The following UAP1 variants were observed in gnomAD, a reference collection of about 807,000 sequenced individuals.
UAP1 encodes UDP-N-acetylhexosamine pyrophosphorylase.
A neutral mutation model predicts 58.5 loss-of-function variants in UAP1; 25 were observed. The observed-to-expected ratio is 0.43, with a 90% CI of 0.31 to 0.60. The LOEUF (loss-of-function observed/expected upper bound fraction) is 0.60. Among genes scored for constraint, UAP1 ranks in the 20% least tolerant of loss-of-function variants. The pLI is 0.11. For synonymous variants in UAP1, 208 were observed against 213.0 expected (o/e 0.98, Z 0.21); for missense variants, 575 against 630.0 (o/e 0.91, Z 0.93).
chr1:162,588,467 C>T (rs1313850919), intron 6 of UAP1, among the ~76,000 whole-genome samples: 2 of 151,934 alleles, frequency 1.3e-5, no homozygotes, highest in South Asian at 2.1e-4. Flanking sequence ...TTAATGCACA[C>T]GTACACAGTT....
chr1:162,597,898 C>T, intron 10 of UAP1, 40 bp downstream of exon 10: 1 of 1,524,576 alleles, frequency 6.6e-7, no homozygotes, highest in Non-Finnish European at 9.0e-7. Context: ...TTTTACAAAG[C>T]TTTGTATATT....
chr1:162,597,195 C>T (rs1422246138), intron 9 of UAP1: 1 of 152,132 alleles, frequency 6.6e-6, no homozygotes, highest in East Asian at 1.9e-4. Flanking sequence ...CTTTGTTGTC[C>T]AGTTTTGTAG....
exon 5 of UAP1, chr1:162,581,428 G>C: frequency 6.2e-6 from 10 of 1,614,006 alleles, no homozygotes; most frequent in Non-Finnish European, 7.6e-6. Context: ...ATTGGATTTT[G>C]CATTCAGAAA....
chr1:162,579,527 G>T (rs1447087797), exon 4 of UAP1: 1 of 1,610,708 alleles, frequency 6.2e-7, no homozygotes, highest in South Asian at 1.1e-5. Context: ...TCTTTTTTCA[G>T]CAAGGAATGC....
intron 2 of UAP1, among the ~76,000 whole-genome samples, chr1:162,571,396 T>G (rs1653858476): frequency 6.6e-6 from 1 of 152,174 alleles, no homozygotes; most frequent in South Asian, 2.1e-4. Context: ...TCCCAAGTGC[T>G]GGAATTACAG....
chr1:162,591,476 T>G (rs189324606), intron 8 of UAP1, among the ~76,000 whole-genome samples: 1 of 152,262 alleles, frequency 6.6e-6, no homozygotes, highest in African/African-American at 2.4e-5. Context: ...CAGCTAAATC[T>G]GTTTTTTTGT....
chr1:162,589,204 T>A, intron 7 of UAP1, among the ~76,000 whole-genome samples: 1 of 43,246 alleles, frequency 2.3e-5, no homozygotes, highest in Non-Finnish European at 4.9e-5. Flanking sequence ...ATATATTATA[T>A]TTAAATATAT....
At chr1:162,567,846 GAGTGC>G (rs1653609665) in intron 2 of UAP1, among the ~76,000 whole-genome samples, 1 of 152,220 alleles carries the variant, frequency 6.6e-6, no homozygotes, top group Non-Finnish European at 1.5e-5. Flanking sequence ...GCCCAGGCTG[GAGTGC>G]AGTGGTGTGA....
rs139936971 is a variant in UAP1, at chr1:162,566,479, A to G, written c.280+131A>G. The G allele has an allele frequency of 2.9e-5, 27 of 945,012 alleles. No individual in the cohort carries two copies. The South Asian group carries it at 3.6e-4, about 13-fold the overall frequency. The allele number at this position is 945,012 out of a possible 1,614,324, so 58.5% of individuals were successfully genotyped here. A position where few individuals can be genotyped will look rare whatever the true frequency, so the allele number is the denominator to read the frequency against. Reference sequence around the variant, plus strand: ...CCAGGTGACCTAGCAGAAAGTGACAAAATTGTCTTTTTATTTTTGATGCTC... The same window carrying G: ...CCAGGTGACCTAGCAGAAAGTGACAGAATTGTCTTTTTATTTTTGATGCTC... On this transcript the variant is annotated intron_variant, in intron 2 of 10. Transcript: ENST00000271469.
At chr1:162,590,270 A>C (rs2101824966) in intron 7 of UAP1, 53 bp from the exon 8 acceptor site, 2 of 1,456,142 alleles carry the variant, frequency 1.4e-6, no homozygotes, top group East Asian at 4.7e-5. Flanking sequence ...AAAGGGTTAG[A>C]AGCTGTGTAT....
At chr1:162,584,458 A>G (rs1654789719) in intron 5 of UAP1, among the ~76,000 whole-genome samples, 1 of 152,178 alleles carries the variant, frequency 6.6e-6, no homozygotes, top group Non-Finnish European at 1.5e-5. Context: ...TGGTAGTAGA[A>G]TTATTTGCAG....
At chr1:162,587,738 A>T in intron 6 of UAP1, 70 bp downstream of exon 6, 1 of 1,457,942 alleles carries the variant, frequency 6.9e-7, no homozygotes, top group Non-Finnish European at 9.4e-7. Context: ...CTTGAGAGGG[A>T]TGCAGACACC....
rs1045340263 is a variant in UAP1 at position 162,583,086 on chromosome 1, C to T, written c.834+1627C>T. Among the ~76,000 whole-genome samples, 4 of 151,402 alleles carry T rather than the reference C, an allele frequency of 2.6e-5. No individual in the cohort carries two copies. In the East Asian group the frequency reaches 7.7e-4, roughly 29 times the overall value. ...TTTGCCTCCTGGGTTCAGTGATTCT[C>T]CTGCCTCACCCTCCCCAGTAGCTGG... On this transcript the variant is annotated intron_variant, in intron 5 of 10. Transcript: ENST00000271469.
intron 2 of UAP1, among the ~76,000 whole-genome samples, chr1:162,575,923 T>C (rs1204538365): frequency 3.3e-5 from 5 of 152,150 alleles, no homozygotes; most frequent in African/African-American, 1.2e-4. Flanking sequence ...CCTCAGGTGA[T>C]CCACCTGCCG....
At position 162,588,847 on chromosome 1, in the gene UAP1, A is replaced by G. The variant is rs182605233; in HGVS notation, c.1169+14A>G. On this transcript the variant is annotated intron_variant, in intron 7 of 10. Coordinates refer to ENST00000271469, the Ensembl canonical transcript of UAP1. ...CCAGTTTGCAAAGTATGCTTTGAAT[A>G]GTACCAATAAGGTTAAATAAATGTC... 6.2e-7 allele frequency: 1 copy of G among 1,601,912 alleles called. No individual in the cohort carries two copies. Among genetic ancestry groups the G allele is most frequent in the Admixed American group, 1.8e-5 (1 of 56,796 alleles).
At chr1:162,586,481 C>T (rs754283755) in intron 5 of UAP1, among the ~76,000 whole-genome samples, 22 of 150,680 alleles carry the variant, frequency 1.5e-4, no homozygotes, top group Non-Finnish European at 2.5e-4. Context: ...CATGCCACCA[C>T]GCCTGGCTAA....
chr1:162,596,817 A>C (rs1345844695), intron 9 of UAP1, among the ~76,000 whole-genome samples: 1 of 152,194 alleles, frequency 6.6e-6, no homozygotes, highest in Non-Finnish European at 1.5e-5. Flanking sequence ...CAAGAGACTA[A>C]TATTTTTGTG....
At chr1:162,579,703 A>G (rs2101782330) in intron 4 of UAP1, 100 bp downstream of exon 4, 1 of 1,065,088 alleles carries the variant, frequency 9.4e-7, no homozygotes, top group East Asian at 2.6e-5. Flanking sequence ...ATATTTAAAC[A>G]TTAATATATA....
intron 1 of UAP1, among the ~76,000 whole-genome samples, chr1:162,565,043 G>GT (rs1304923010): frequency 1.3e-5 from 2 of 151,952 alleles, no homozygotes; most frequent in Non-Finnish European, 2.9e-5. Context: ...TAATTTTTGT[G>GT]TTTTTTGTAG....
Sources: gnomAD v4.1 joint callset for allele counts (sites outside exome capture counted in the v4.1 genomes callset) on GRCh38, gnomAD v4.1.1 for gene constraint, MANE v1.5 for transcripts, NCBI Gene and HGNC (gene_info 2026-07-23, HGNC 2026-07-21) for gene names.